Variants in MS4A7 observed in about 807,000 individuals in gnomAD.
MS4A7 encodes the protein membrane-spanning 4-domains subfamily A member 7.
A neutral mutation model predicts 23.5 loss-of-function variants in MS4A7; 21 were observed. The ratio of observed to expected loss-of-function variants is 0.89; its 90% confidence interval spans 0.63 to 1.29. MS4A7 has a LOEUF of 1.29. Among genes scored for constraint, MS4A7 ranks in the 50% most tolerant of loss-of-function variants. The pLI, the probability that MS4A7 is intolerant of heterozygous loss-of-function variation, is 0.00. For missense variants in MS4A7, 263 were observed against 274.2 expected, an observed-to-expected ratio of 0.96 and a Z score of 0.29; for synonymous variants, 111 against 107.4, an observed-to-expected ratio of 1.03 and a Z score of -0.21.
intron 1 of MS4A7, among the ~76,000 whole-genome samples, chr11:60,379,325 A>C (rs1483744235): frequency 6.6e-6 from 1 of 152,254 alleles, no homozygotes; most frequent in Non-Finnish European, 1.5e-5. Context: ...GAGGTATCAC[A>C]AAAGTGCAAA....
In MS4A7 at chr11:60,385,103, T is replaced by G. The variant is rs759783721; in HGVS notation, c.163T>G (p.Cys55Gly). The G allele has an allele frequency of 2.5e-6, 4 of 1,613,852 alleles. No homozygotes were observed. In the East Asian group the frequency reaches 6.7e-5, roughly 27 times the overall value. ...TCTCTTGTAGACTGTCCAGATCCTG[T>G]GTTGCCTGTTGATTTCAAGTCTGGG... Reference protein sequence around the residue: ...TTVLGTVQILCCLLISSLGAI... With the variant: ...TTVLGTVQILGCLLISSLGAI... Residue 55 changes from cysteine to glycine, a missense_variant, in exon 3 of 7, where the codon TGT becomes GGT. Transcript: ENST00000300184.
chr11:60,388,775 C>T lies in MS4A7; in HGVS notation c.340-615C>T, dbSNP rs149397902. Among the ~76,000 whole-genome samples the T allele has an allele frequency of 4.5e-4, 69 of 152,276 alleles. 1 individual carries two copies. The highest frequency in any genetic ancestry group is 1.5e-3 in the African/African-American group (64 of 41,546). ...GGAGAGAGAAGCACAGGGTCTAAGC[C>T]CATGTGCCTCTGCCTCATGCCCTGT... On this transcript the variant is annotated intron_variant, in intron 4 of 6. Coordinates refer to ENST00000300184, the MANE Select transcript of MS4A7 (RefSeq NM_021201.5).
intron 1 of MS4A7, among the ~76,000 whole-genome samples, chr11:60,380,896 A>G (rs1458994042): frequency 1.3e-5 from 2 of 152,234 alleles, no homozygotes; most frequent in Non-Finnish European, 2.9e-5. Context: ...ACAAACCTAC[A>G]GGGATATAGA....
At chr11:60,383,829 T>C (rs2085455849) in intron 2 of MS4A7, among the ~76,000 whole-genome samples, 1 of 152,224 alleles carries the variant, frequency 6.6e-6, no homozygotes, top group South Asian at 2.1e-4. Context: ...TGAGCCACTG[T>C]GCCCAGCCAC....
intron 5 of MS4A7, among the ~76,000 whole-genome samples, chr11:60,392,277 G>A (rs1240269807): frequency 6.6e-6 from 1 of 151,940 alleles, no homozygotes; most frequent in Admixed American, 6.6e-5. Flanking sequence ...ATATGCAAAA[G>A]TAAATAACTA....
At chr11:60,385,006 T>C in intron 2 of MS4A7, 82 bp from the exon 3 acceptor site, 2 of 1,326,194 alleles carry the variant, frequency 1.5e-6, no homozygotes, top group South Asian at 1.3e-5. Flanking sequence ...TTTTATACTC[T>C]TTATACTTTA....
rs766944060 is a variant in MS4A7 at position 60,385,226 on chromosome 11, A to G, written c.282+4A>G. 2 of 1,614,104 alleles carry G rather than the reference A, an allele frequency of 1.2e-6. No homozygotes were observed. The highest frequency in any genetic ancestry group is 2.2e-5 in the South Asian group (2 of 91,076). On this transcript the variant is annotated splice_donor_region_variant and intron_variant, in intron 3 of 6. Transcript: ENST00000300184. ...CCCATTTTTAGGAGCTCTGTGTGTG[A>G]GTAGAATGGGGACTCTAAGAGGGGA...
chr11:60,386,501 C>A (rs2135100022), intron 3 of MS4A7: 1 of 450,784 alleles, frequency 2.2e-6, no homozygotes, highest in East Asian at 3.4e-5. Flanking sequence ...CAAATCCAAC[C>A]CCTCTGTGCA....
In MS4A7 at chr11:60,393,892, A is replaced by G. The variant is rs765953472; in HGVS notation, c.*31A>G. 2.8e-6 allele frequency: 4 copies of G among 1,446,834 alleles called. No individual in the cohort carries two copies. The Admixed American group carries it at 7.5e-5, about 27-fold the overall frequency. The allele number at this position is 1,446,834 out of a possible 1,614,324, so 89.6% of individuals were successfully genotyped here. A position where few individuals can be genotyped will look rare whatever the true frequency, so the allele number is the denominator to read the frequency against. On this transcript the variant is annotated 3_prime_UTR_variant, in exon 7 of 7. Transcript: ENST00000300184. ...TCTTGGCCTCAGAGGAAGGAAAAGC[A>G]ACTCAACACTCATGGTCAAGTGTGA...
At chr11:60,380,156 A>T (rs1483066094) in intron 1 of MS4A7, among the ~76,000 whole-genome samples, 1 of 152,242 alleles carries the variant, frequency 6.6e-6, no homozygotes, top group Non-Finnish European at 1.5e-5. Context: ...ATTTGCTTTT[A>T]AATTTAGGCT....
chr11:60,383,229 A>T lies in MS4A7; in HGVS notation c.88A>T (p.Met30Leu). The T allele has an allele frequency of 6.2e-7, 1 of 1,614,206 alleles. No individual in the cohort carries two copies. Among genetic ancestry groups the T allele is most frequent in the Non-Finnish European group, 8.5e-7 (1 of 1,180,016 alleles). Residue 30 changes from methionine (M) to leucine (L), a missense_variant, in exon 2 of 7, where the codon ATG (methionine) becomes TTG (leucine). By Grantham distance (15) the Met-to-Leu change is conservative. Coordinates refer to ENST00000300184, the MANE Select transcript of MS4A7 (RefSeq NM_021201.5). ...TIPQREKPGH[M>L]YQNEDYLQNG... ...CCCTCAAAGAGAGAAACCTGGACAC[A>T]TGTACCAAAACGAAGATTACCTGCA... is the stretch of plus-strand genomic sequence containing the variant.
chr11:60,393,221 T>C (rs2085572847), intron 6 of MS4A7, among the ~76,000 whole-genome samples: 1 of 152,220 alleles, frequency 6.6e-6, no homozygotes, highest in Non-Finnish European at 1.5e-5. Flanking sequence ...GTTAGAGAAT[T>C]GCTTAATATG....
intron 3 of MS4A7, among the ~76,000 whole-genome samples, chr11:60,385,857 A>G (rs1168798301): frequency 6.6e-6 from 1 of 152,234 alleles, no homozygotes; most frequent in East Asian, 1.9e-4. Flanking sequence ...TCCACGTAGT[A>G]TTTGGTACAA....
chr11:60,379,546 GT>G (rs761582810), intron 1 of MS4A7, among the ~76,000 whole-genome samples: 36 of 82,444 alleles, frequency 4.4e-4, no homozygotes, highest in Non-Finnish European at 9.0e-4. Flanking sequence ...TTGTTTGTTT[GT>G]TTTTTAATTG....
At chr11:60,385,026 T>C (rs1051377698) in intron 2 of MS4A7, 62 bp from the exon 3 acceptor site, 45 of 1,485,088 alleles carry the variant, frequency 3.0e-5, no homozygotes, top group Non-Finnish European at 3.5e-5. Context: ...ACCGTGTGCA[T>C]TCAAATAATC....
At chr11:60,380,878 G>A (rs544844482) in intron 1 of MS4A7, among the ~76,000 whole-genome samples, 8 of 152,170 alleles carry the variant, frequency 5.3e-5, no homozygotes, top group African/African-American at 1.9e-4. Context: ...GTAGCTAGCC[G>A]GGCAAGAACA....
chr11:60,386,765 A>G lies in MS4A7; in HGVS notation c.331A>G (p.Lys111Glu). 6.2e-7 allele frequency: 1 copy of G among 1,611,902 alleles called. No individual in the cohort carries two copies. The highest frequency in any genetic ancestry group is 8.5e-7 in the Non-Finnish European group (1 of 1,178,166). Residue 111 changes from lysine (K) to glutamate (E), a missense_variant, in exon 4 of 7, where the codon AAG (lysine) becomes GAG (glutamate). Coordinates refer to ENST00000300184, the MANE Select transcript of MS4A7 (RefSeq NM_021201.5). ...AATTATCTCTGGAAAACAATCAACT[A>G]AGCCCTTTGTAAGTATAAGGACCAT... ...LSIISGKQST[K>E]PFDLSSLTSN...
In MS4A7 at chr11:60,385,217, CTGTG is replaced by C; in HGVS notation, c.282_282+3del. The C allele has an allele frequency of 5.6e-6, 9 of 1,613,936 alleles. No individual in the cohort carries two copies. Among genetic ancestry groups the C allele is most frequent in the African/African-American group, 4.0e-5 (3 of 74,874 alleles). On this transcript the variant is annotated frameshift_variant and splice_region_variant, in exon 3 of 7. Transcript: ENST00000300184. LOFTEE classifies it high-confidence loss of function. ...GTCTGGGTACCCATTTTTAGGAGCT[CTGTG>C]TGTGAGTAGAATGGGGACTCTAAGA...
In MS4A7 at chr11:60,383,110, G is replaced by A. The variant is rs759517684; in HGVS notation, c.-13-19G>A. 4 of 1,608,624 alleles carry A rather than the reference G, an allele frequency of 2.5e-6. No homozygotes were observed. The highest frequency in any genetic ancestry group is 1.3e-5 in the African/African-American group (1 of 74,776). On this transcript the variant is annotated intron_variant, in intron 1 of 6. Transcript: ENST00000300184. ...AAGTCAAACCTTGGGAAGTAACTGAGTTTTGATGCCTCTTCCAGCATCATC... is the reference window on the plus strand; with the variant it reads ...AAGTCAAACCTTGGGAAGTAACTGAATTTTGATGCCTCTTCCAGCATCATC...
Sources: gnomAD v4.1 joint callset for allele counts (sites outside exome capture counted in the v4.1 genomes callset) on GRCh38, gnomAD v4.1.1 for gene constraint, MANE v1.5 for transcripts, NCBI Gene and HGNC (gene_info 2026-07-23, HGNC 2026-07-21) for gene names.